The following COL13A1 variants were observed in gnomAD, a reference collection of about 807,000 sequenced individuals.
The protein encoded by COL13A1 is collagen type XIII alpha 1 chain, also known as collagen alpha-1(XIII) chain.
In COL13A1, 89 loss-of-function variants were observed where a neutral mutation model predicts 130.9. The observed-to-expected ratio is 0.68, with a 90% CI of 0.57 to 0.81. The LOEUF (loss-of-function observed/expected upper bound fraction) is 0.81, where lower values mean the gene tolerates loss of function less well. Ranked by LOEUF, COL13A1 falls within the 30% of genes least tolerant of loss-of-function variation. COL13A1 has a pLI of 0.00. For synonymous variants in COL13A1, 402 were observed against 341.6 expected (o/e 1.18, Z -1.95); for missense variants, 879 against 934.6 (o/e 0.94, Z 0.78).
chr10:69,844,664 G>T (rs1188304503), intron 2 of COL13A1, among the ~76,000 whole-genome samples: 1 of 152,236 alleles, frequency 6.6e-6, no homozygotes, highest in Non-Finnish European at 1.5e-5. Flanking sequence ...AGATATCCTT[G>T]CTTTTGTCAT....
chr10:69,871,744 T>C (rs2134074996), intron 3 of COL13A1, among the ~76,000 whole-genome samples: 2 of 152,376 alleles, frequency 1.3e-5, no homozygotes, highest in Middle Eastern at 6.8e-3. Flanking sequence ...GCCAGCCCCA[T>C]GCCCGTCTCT....
intron 2 of COL13A1, among the ~76,000 whole-genome samples, chr10:69,859,819 C>T (rs779962649): frequency 2.0e-5 from 3 of 152,258 alleles, no homozygotes; most frequent in Non-Finnish European, 2.9e-5. Context: ...TGCGAGCTTC[C>T]AGACAGCACA....
At chr10:69,897,705 C>T (rs753169338) in intron 13 of COL13A1, among the ~76,000 whole-genome samples, 95 of 152,338 alleles carry the variant, frequency 6.2e-4, no homozygotes, top group Non-Finnish European at 1.1e-3. Flanking sequence ...TTGGGCTCCC[C>T]ATCCCCAGCT....
At chr10:69,876,324 A>G (rs1282635398) in intron 5 of COL13A1, among the ~76,000 whole-genome samples, 2 of 152,162 alleles carry the variant, frequency 1.3e-5, no homozygotes, top group African/African-American at 2.4e-5. Context: ...GATCCTGACA[A>G]TATTACTACT....
chr10:69,950,483 C>G (rs1328055850), intron 38 of COL13A1, among the ~76,000 whole-genome samples: 1 of 152,162 alleles, frequency 6.6e-6, no homozygotes, highest in Non-Finnish European at 1.5e-5. Context: ...GGACTGGGAT[C>G]CCCCACTCTG....
chr10:69,946,344 C>T (rs533506388), intron 37 of COL13A1, among the ~76,000 whole-genome samples: 1 of 152,202 alleles, frequency 6.6e-6, no homozygotes, highest in Non-Finnish European at 1.5e-5. Context: ...TCAGAAGGGG[C>T]AGAATCAAAT....
At chr10:69,875,799 T>C (rs1359215403) in intron 5 of COL13A1, among the ~76,000 whole-genome samples, 1 of 152,214 alleles carries the variant, frequency 6.6e-6, no homozygotes, top group African/African-American at 2.4e-5. Flanking sequence ...CAAAGGGCTA[T>C]AAAGGCAGTA....
At chr10:69,862,209 A>G (rs1858327962) in intron 2 of COL13A1, among the ~76,000 whole-genome samples, 1 of 152,292 alleles carries the variant, frequency 6.6e-6, no homozygotes, top group East Asian at 1.9e-4. Flanking sequence ...TGTGAATAGC[A>G]CTAGACCAGG....
rs75343587 is a variant in COL13A1 at position 69,836,393 on chromosome 10, G to A, written c.364+13955G>A. Among the ~76,000 whole-genome samples the A allele has an allele frequency of 8.5e-3, 1,294 of 152,330 alleles. 14 individuals carry two copies. The highest frequency in any genetic ancestry group is 0.013 in the Non-Finnish European group (896 of 68,014). On this transcript the variant is annotated intron_variant, in intron 2 of 40. Transcript: ENST00000645393. Reference sequence around the variant, plus strand: ...ACACTGTTGGTGGCTTGTGCAGCTGGCATTTGGCCCTGAGACATCAGATCT... The same window carrying A: ...ACACTGTTGGTGGCTTGTGCAGCTGACATTTGGCCCTGAGACATCAGATCT...
chr10:69,953,041 C>A (rs2069905518), intron 39 of COL13A1, 73 bp downstream of exon 39: 4 of 1,136,358 alleles, frequency 3.5e-6, no homozygotes, highest in South Asian at 1.9e-5. Flanking sequence ...ACAAAGAAGG[C>A]AAATAAACTA....
At chr10:69,834,922 G>A (rs2133055872) in intron 2 of COL13A1, among the ~76,000 whole-genome samples, 1 of 152,296 alleles carries the variant, frequency 6.6e-6, no homozygotes, top group South Asian at 2.1e-4. Context: ...CCATCGTCTG[G>A]GGACAATGCT....
intron 2 of COL13A1, among the ~76,000 whole-genome samples, chr10:69,836,389 G>T (rs1850073097): frequency 1.3e-5 from 2 of 152,244 alleles, no homozygotes; most frequent in Admixed American, 1.3e-4. Context: ...GGCTTGTGCA[G>T]CTGGCATTTG....
At chr10:69,869,641 C>T (rs1355803034) in intron 3 of COL13A1, among the ~76,000 whole-genome samples, 1 of 152,234 alleles carries the variant, frequency 6.6e-6, no homozygotes, top group Non-Finnish European at 1.5e-5. Context: ...TCAGCTACCA[C>T]TGCCCCACCC....
intron 39 of COL13A1, chr10:69,955,697 C>G (rs2070535173): frequency 6.6e-6 from 1 of 152,250 alleles, no homozygotes; most frequent in African/African-American, 2.4e-5. Context: ...CCTCCCCCTG[C>G]AATCCCCTCC....
intron 22 of COL13A1, among the ~76,000 whole-genome samples, chr10:69,922,346 GTGA>G (rs1451595450): frequency 6.6e-6 from 1 of 152,228 alleles, no homozygotes; most frequent in Non-Finnish European, 1.5e-5. Context: ...GCACCCTGCA[GTGA>G]TGGGGTCTGC....
intron 1 of COL13A1, among the ~76,000 whole-genome samples, chr10:69,803,238 C>A (rs1840555975): frequency 6.6e-6 from 1 of 152,234 alleles, no homozygotes; most frequent in South Asian, 2.1e-4. Context: ...TGGCCCAGGC[C>A]GCTAGGGTCC....
chr10:69,889,294 ACAGGGAGGAGCACGGGGGG>A lies in COL13A1; in HGVS notation c.577-106_577-88del, dbSNP rs1334655702. 620 of 1,266,508 alleles carry A rather than the reference ACAGGGAGGAGCACGGGGGG, an allele frequency of 4.9e-4. 1 individual carries two copies. The highest frequency in any genetic ancestry group is 1.5e-3 in the Middle Eastern group (7 of 4,536). 78.5% of individuals were successfully genotyped at this position (1,266,508 alleles called of 1,614,324 possible). ...AGAAGGTGCAGATGGAGCACAGGGG[ACAGGGAGGAGCACGGGGGG>A]CAGGGAGGAGCACAGGGGGCAGGGA... On this transcript the variant is annotated intron_variant, in intron 9 of 40. Coordinates refer to ENST00000645393, the MANE Select transcript of COL13A1 (RefSeq NM_001368882.1).
At chr10:69,863,479 C>T (rs1444896360) in intron 2 of COL13A1, among the ~76,000 whole-genome samples, 2 of 152,126 alleles carry the variant, frequency 1.3e-5, no homozygotes, top group Non-Finnish European at 2.9e-5. Flanking sequence ...GGCTAGGACC[C>T]CAGCTTCTAG....
chr10:69,897,534 T>G (rs1169798107), intron 13 of COL13A1: 1 of 1,613,938 alleles, frequency 6.2e-7, no homozygotes, highest in Admixed American at 1.7e-5. Flanking sequence ...CCCTGAAGGT[T>G]TGTAGGTTCT....
Sources: gnomAD v4.1 joint callset for allele counts (sites outside exome capture counted in the v4.1 genomes callset) on GRCh38, gnomAD v4.1.1 for gene constraint, MANE v1.5 for transcripts, NCBI Gene and HGNC (gene_info 2026-07-23, HGNC 2026-07-21) for gene names.